Variants in CMIP observed in about 807,000 individuals in gnomAD.
The protein encoded by CMIP is C-Maf-inducing protein.
In CMIP, 13 loss-of-function variants were observed where a neutral mutation model predicts 97.3. That is an observed-to-expected ratio of 0.13 (90% CI 0.09 to 0.21). The LOEUF (loss-of-function observed/expected upper bound fraction) is 0.21, where lower values mean the gene tolerates loss of function less well. Among genes scored for constraint, CMIP ranks in the 10% least tolerant of loss-of-function variants. The probability of loss-of-function intolerance (pLI) is 1.00; values close to 1 mark genes in which losing one functional copy is unlikely to be tolerated. For synonymous variants in CMIP, 538 were observed against 436.3 expected, an observed-to-expected ratio of 1.23 and a Z score of -2.91; for missense variants, 847 against 1,024.9, an observed-to-expected ratio of 0.83 and a Z score of 2.37.
intron 3 of CMIP, among the ~76,000 whole-genome samples, chr16:81,637,112 C>T (rs1038080943): frequency 6.6e-6 from 1 of 152,056 alleles, no homozygotes; most frequent in Non-Finnish European, 1.5e-5. Context: ...CTCTTGTTGC[C>T]CATGCTGGAG....
intron 1 of CMIP, among the ~76,000 whole-genome samples, chr16:81,461,032 G>A (rs1447037655): frequency 6.6e-6 from 1 of 152,250 alleles, no homozygotes; most frequent in East Asian, 1.9e-4. Context: ...TCCCGCCCAG[G>A]TTTGAGCCCA....
At chr16:81,608,360 C>G (rs948077475) in intron 2 of CMIP, among the ~76,000 whole-genome samples, 1 of 152,158 alleles carries the variant, frequency 6.6e-6, no homozygotes, top group Non-Finnish European at 1.5e-5. Context: ...GCATCTCTCT[C>G]TCCATCTCCT....
At chr16:81,598,203 A>T (rs1053139920) in intron 1 of CMIP, among the ~76,000 whole-genome samples, 2 of 152,102 alleles carry the variant, frequency 1.3e-5, no homozygotes, top group Admixed American at 1.3e-4. Context: ...GAGCTGACCA[A>T]CAGGAGGGTA....
intron 1 of CMIP, among the ~76,000 whole-genome samples, chr16:81,546,626 C>T (rs1157310476): frequency 6.6e-6 from 1 of 152,170 alleles, no homozygotes; most frequent in Non-Finnish European, 1.5e-5. Context: ...CTGCAGGTAG[C>T]TGCGGCCTCG....
chr16:81,682,710 T>C (rs1904994538), intron 10 of CMIP, among the ~76,000 whole-genome samples: 2 of 152,328 alleles, frequency 1.3e-5, no homozygotes, highest in African/African-American at 4.8e-5. Context: ...AGGTCAGTGT[T>C]TCCCGCTCCA....
At chr16:81,607,390 G>A (rs1357154569) in intron 1 of CMIP, among the ~76,000 whole-genome samples, 177 bp from the exon 2 acceptor site, 3 of 152,228 alleles carry the variant, frequency 2.0e-5, no homozygotes, top group Non-Finnish European at 4.4e-5. Context: ...CTTGCAGCTG[G>A]ATATGGCCAG....
intron 1 of CMIP, among the ~76,000 whole-genome samples, chr16:81,487,388 ACTGCTCC>A: frequency 6.6e-6 from 1 of 152,254 alleles, no homozygotes; most frequent in East Asian, 1.9e-4. Context: ...TGGGGCTCTG[ACTGCTCC>A]ACTCCCGAGG....
intron 9 of CMIP, among the ~76,000 whole-genome samples, chr16:81,676,144 C>T (rs1015762455): frequency 2.0e-5 from 3 of 152,120 alleles, no homozygotes; most frequent in African/African-American, 2.4e-5. Flanking sequence ...GGAGGCGTGG[C>T]GAGGGTGAGA....
At chr16:81,477,073 A>G (rs1312681289) in intron 1 of CMIP, among the ~76,000 whole-genome samples, 1 of 152,076 alleles carries the variant, frequency 6.6e-6, no homozygotes, top group Non-Finnish European at 1.5e-5. Flanking sequence ...GCACCTGGGC[A>G]TATGGTTGAT....
chr16:81,448,683 A>T (rs1414222459), intron 1 of CMIP, among the ~76,000 whole-genome samples: 1 of 152,242 alleles, frequency 6.6e-6, no homozygotes, highest in Non-Finnish European at 1.5e-5. Flanking sequence ...GACGGCCGCC[A>T]GGTCTGATGC....
intron 20 of CMIP, among the ~76,000 whole-genome samples, chr16:81,709,052 G>A (rs1179174673): frequency 6.6e-6 from 1 of 152,170 alleles, no homozygotes. Context: ...AAAGCCAACT[G>A]TTCATAAAGA....
Position 81,564,191 on chromosome 16 carries a change from C to T in CMIP, c.301-43376C>T, listed in dbSNP as rs563924209. Among the ~76,000 whole-genome samples the T allele has an allele frequency of 1.1e-4, 17 of 152,322 alleles. No homozygotes were observed. The East Asian group carries it at 2.9e-3, about 26-fold the overall frequency. ...TGCCAGGGGAGAAAAGAATGCCGCC[C>T]TCACACAGGCAAGGAAGCTGGGCAC... On this transcript the variant is annotated intron_variant, in intron 1 of 20. Coordinates refer to ENST00000537098, the MANE Select transcript of CMIP (RefSeq NM_198390.3).
Position 81,671,950 on chromosome 16 carries a change from C to G in CMIP, c.930-16C>G, listed in dbSNP as rs1326374124. ...CTCCTGCAGGCTTCTCACCCCAGCC[C>G]TCTGCTTTTTTCCAGCATGCACGGC... On this transcript the variant is annotated splice_polypyrimidine_tract_variant and intron_variant, in intron 8 of 20. Coordinates refer to ENST00000537098, the MANE Select transcript of CMIP (RefSeq NM_198390.3). 8.1e-6 allele frequency: 12 copies of G among 1,483,302 alleles called. No individual in the cohort carries two copies. Among genetic ancestry groups the G allele is most frequent in the Non-Finnish European group, 1.1e-5 (12 of 1,078,526 alleles). 91.9% of individuals were successfully genotyped at this position (1,483,302 alleles called of 1,614,324 possible). A position where few individuals can be genotyped will look rare whatever the true frequency, so the allele number is the denominator to read the frequency against.
Position 81,691,755 on chromosome 16 carries a change from G to A in CMIP, c.1389-20G>A. 1 of 1,611,918 alleles carries A rather than the reference G, an allele frequency of 6.2e-7. No individual in the cohort carries two copies. Among genetic ancestry groups the A allele is most frequent in the Admixed American group, 1.7e-5 (1 of 59,954 alleles). Reference sequence around the variant, plus strand: ...TTCCTTGTCCCAACCAAAGCTGACTGTCACCCTCTCTCATTCTAGGTCAGA... The same window carrying A: ...TTCCTTGTCCCAACCAAAGCTGACTATCACCCTCTCTCATTCTAGGTCAGA... On this transcript the variant is annotated intron_variant, in intron 10 of 20. Coordinates refer to ENST00000537098, the MANE Select transcript of CMIP (RefSeq NM_198390.3).
chr16:81,608,733 A>C (rs1027638867), intron 2 of CMIP, among the ~76,000 whole-genome samples: 5 of 152,114 alleles, frequency 3.3e-5, no homozygotes, highest in African/African-American at 1.2e-4. Context: ...AAGACATGTT[A>C]CATCATGTCA....
At chr16:81,643,155 T>A (rs1009555660) in intron 3 of CMIP, among the ~76,000 whole-genome samples, 3 of 152,204 alleles carry the variant, frequency 2.0e-5, no homozygotes, top group African/African-American at 7.2e-5. Flanking sequence ...CTGTAACACG[T>A]CCACCTCGTG....
At chr16:81,579,106 C>T (rs879348993) in intron 1 of CMIP, among the ~76,000 whole-genome samples, 5 of 152,206 alleles carry the variant, frequency 3.3e-5, no homozygotes, top group African/African-American at 1.2e-4. Context: ...CAAGCACCCT[C>T]GCCTCTCTGT....
chr16:81,612,187 G>A (rs1252021303), intron 2 of CMIP, among the ~76,000 whole-genome samples: 1 of 152,218 alleles, frequency 6.6e-6, no homozygotes, highest in East Asian at 1.9e-4. Flanking sequence ...GAGCAGCGCG[G>A]CGCAGATCAT....
chr16:81,539,058 G>T (rs544791899), intron 1 of CMIP, among the ~76,000 whole-genome samples: 1 of 152,084 alleles, frequency 6.6e-6, no homozygotes, highest in African/African-American at 2.4e-5. Flanking sequence ...AGCACACACC[G>T]ATGGGCCGAT....
Sources: allele counts gnomAD v4.1 joint callset (sites outside exome capture counted in the v4.1 genomes callset), GRCh38; gene constraint gnomAD v4.1.1; transcripts MANE v1.5; gene names NCBI Gene and HGNC (gene_info 2026-07-23, HGNC 2026-07-21).